INPP4B: variants seen among roughly 807,000 people sequenced by gnomAD.
INPP4B encodes inositol polyphosphate-4-phosphatase type II B.
In INPP4B, 55 loss-of-function variants were observed where a neutral mutation model predicts 122.5. The ratio of observed to expected loss-of-function variants is 0.45; its 90% confidence interval spans 0.36 to 0.56. INPP4B has a LOEUF of 0.56. Ranked by LOEUF, INPP4B falls within the 20% of genes least tolerant of loss-of-function variation. INPP4B has a pLI of 0.00. For synonymous variants in INPP4B, 403 were observed against 388.7 expected, an observed-to-expected ratio of 1.04 and a Z score of -0.43; for missense variants, 1,000 against 1,097.7, an observed-to-expected ratio of 0.91 and a Z score of 1.26.
chr4:142,248,504 A>T (rs1730179480), intron 11 of INPP4B, among the ~76,000 whole-genome samples: 2 of 151,458 alleles, frequency 1.3e-5, no homozygotes, highest in African/African-American at 2.4e-5. Context: ...CACCCAGCTA[A>T]TTTTTTGTAT....
chr4:142,482,860 T>G (rs576220397), intron 2 of INPP4B, among the ~76,000 whole-genome samples: 44 of 152,146 alleles, frequency 2.9e-4, no homozygotes, highest in Middle Eastern at 3.2e-3. Flanking sequence ...CAATTCCCAT[T>G]GGGTTGTAAA....
chr4:142,521,587 C>T (rs918919741), intron 2 of INPP4B, among the ~76,000 whole-genome samples: 11 of 152,026 alleles, frequency 7.2e-5, no homozygotes, highest in African/African-American at 2.7e-4. Context: ...AATAATGAAA[C>T]ATCACTTATA....
intron 7 of INPP4B, among the ~76,000 whole-genome samples, chr4:142,349,315 G>A (rs1177011370): frequency 6.6e-6 from 1 of 152,012 alleles, no homozygotes; most frequent in African/African-American, 2.4e-5. Context: ...CTTTCCAAAT[G>A]AGTGGAAAGA....
chr4:142,831,938 A>C (rs1782192371), intron 1 of INPP4B, among the ~76,000 whole-genome samples: 1 of 152,194 alleles, frequency 6.6e-6, no homozygotes, highest in East Asian at 1.9e-4. Context: ...GCTATGGTAC[A>C]AATAAACCTT....
At chr4:142,764,185 C>T (rs922292098) in intron 1 of INPP4B, among the ~76,000 whole-genome samples, 3 of 152,064 alleles carry the variant, frequency 2.0e-5, no homozygotes, top group African/African-American at 7.2e-5. Context: ...ATATAATTTA[C>T]ATCTGAAATA....
At chr4:142,724,420 C>G (rs995397646) in intron 2 of INPP4B, among the ~76,000 whole-genome samples, 1 of 152,030 alleles carries the variant, frequency 6.6e-6, no homozygotes, top group Non-Finnish European at 1.5e-5. Flanking sequence ...CTTTACTGTG[C>G]CATCTTCCAT....
chr4:142,153,804 G>A (rs1185067483), intron 17 of INPP4B, among the ~76,000 whole-genome samples: 1 of 152,128 alleles, frequency 6.6e-6, no homozygotes, highest in Non-Finnish European at 1.5e-5. Context: ...TTTTATAGGT[G>A]AAAATATTAA....
At chr4:142,480,227 G>A (rs1820342577) in intron 2 of INPP4B, among the ~76,000 whole-genome samples, 1 of 152,128 alleles carries the variant, frequency 6.6e-6, no homozygotes, top group South Asian at 2.1e-4. Flanking sequence ...ATATGTTATG[G>A]TAAATTCTAG....
chr4:142,768,897 G>T (rs780987541), intron 1 of INPP4B, among the ~76,000 whole-genome samples: 26 of 152,136 alleles, frequency 1.7e-4, no homozygotes, highest in Non-Finnish European at 3.4e-4. Flanking sequence ...AACAAGGAAA[G>T]GATTTGTTTT....
At chr4:142,239,020 A>C (rs1233655859) in intron 11 of INPP4B, among the ~76,000 whole-genome samples, 2 of 152,154 alleles carry the variant, frequency 1.3e-5, no homozygotes, top group Non-Finnish European at 2.9e-5. Context: ...GCTGTAAAAA[A>C]TACTGAACAT....
chr4:142,720,447 A>G (rs1328334895), intron 2 of INPP4B, among the ~76,000 whole-genome samples: 1 of 151,938 alleles, frequency 6.6e-6, no homozygotes, highest in Non-Finnish European at 1.5e-5. Flanking sequence ...CCTCTTTCCC[A>G]ATGTACCAGA....
chr4:142,398,270 C>A (rs6812973), intron 7 of INPP4B, among the ~76,000 whole-genome samples: 1 of 147,090 alleles, frequency 6.8e-6, no homozygotes, highest in Admixed American at 6.8e-5. Context: ...CCCAGCTACT[C>A]GGGAGGCTGA....
rs145795138 is a variant in INPP4B at position 142,195,911 on chromosome 4, G to GA, written c.1073-2717dup. On this transcript the variant is annotated intron_variant, in intron 14 of 25. Transcript: ENST00000262992. Reference sequence around the variant, plus strand: ...ACTTCAGCTGTTTCAGCTTTACGGTGAATCTGTGTCTTCAATTCATCCATA... The same window carrying GA: ...ACTTCAGCTGTTTCAGCTTTACGGTGAAATCTGTGTCTTCAATTCATCCATA... Among the ~76,000 whole-genome samples the GA allele has an allele frequency of 2.9e-3, 442 of 152,262 alleles. 24 individuals carry two copies. The East Asian group carries it at 0.078, about 27-fold the overall frequency.
intron 7 of INPP4B, among the ~76,000 whole-genome samples, chr4:142,351,881 T>C (rs1008632371): frequency 1.3e-5 from 2 of 152,016 alleles, no homozygotes; most frequent in Non-Finnish European, 2.9e-5. Context: ...CATTGAAGAA[T>C]GCCAAAACAA....
chr4:142,522,203 T>C, intron 2 of INPP4B, among the ~76,000 whole-genome samples: 1 of 152,262 alleles, frequency 6.6e-6, no homozygotes, highest in South Asian at 2.1e-4. Flanking sequence ...ATTTTTAAAG[T>C]TTGTATTTCA....
chr4:142,039,437 T>C (rs138850363), intron 25 of INPP4B, among the ~76,000 whole-genome samples: 205 of 152,282 alleles, frequency 1.3e-3, no homozygotes, highest in African/African-American at 4.6e-3. Flanking sequence ...AAAATAGGAA[T>C]ATCCTCTCAT....
intron 2 of INPP4B, among the ~76,000 whole-genome samples, chr4:142,637,089 T>C (rs1234427031): frequency 2.0e-5 from 3 of 152,178 alleles, no homozygotes; most frequent in Non-Finnish European, 4.4e-5. Flanking sequence ...AGAAAGTACA[T>C]AGAGTTCCCA....
chr4:142,339,563 G>T (rs1014690567), intron 7 of INPP4B, among the ~76,000 whole-genome samples: 1 of 152,268 alleles, frequency 6.6e-6, no homozygotes, highest in Non-Finnish European at 1.5e-5. Context: ...ATCATTGTCT[G>T]CCAGCTGAAT....
At chr4:142,608,916 A>G (rs1234383538) in intron 2 of INPP4B, among the ~76,000 whole-genome samples, 4 of 152,052 alleles carry the variant, frequency 2.6e-5, no homozygotes. Flanking sequence ...CACTCTTGTC[A>G]TATTATGTGT....
Sources: gnomAD v4.1 joint callset for allele counts (sites outside exome capture counted in the v4.1 genomes callset) on GRCh38, gnomAD v4.1.1 for gene constraint, MANE v1.5 for transcripts, NCBI Gene and HGNC (gene_info 2026-07-23, HGNC 2026-07-21) for gene names.